Variants in WDR43 observed in about 807,000 individuals in gnomAD.
WDR43 encodes WD repeat-containing protein 43.
A neutral mutation model predicts 91.4 loss-of-function variants in WDR43; 13 were observed. That is an observed-to-expected ratio of 0.14 (90% confidence interval 0.09 to 0.23). The LOEUF (loss-of-function observed/expected upper bound fraction) is 0.23. Among genes scored for constraint, WDR43 ranks in the 10% least tolerant of loss-of-function variants. The pLI is 1.00. For synonymous variants in WDR43, 331 were observed against 287.9 expected (o/e 1.15, Z -1.51); for missense variants, 780 against 809.4 (o/e 0.96, Z 0.44).
At chr2:28,910,018 A>T (rs1280632227) in intron 3 of WDR43, among the ~76,000 whole-genome samples, 3 of 152,134 alleles carry the variant, frequency 2.0e-5, no homozygotes, top group African/African-American at 7.2e-5. Context: ...CCAGAGAGGA[A>T]TTTTTTCATC....
At chr2:28,938,232 T>C (rs944299764) in intron 14 of WDR43, among the ~76,000 whole-genome samples, 3 of 152,174 alleles carry the variant, frequency 2.0e-5, no homozygotes, top group Non-Finnish European at 4.4e-5. Context: ...TGTAAAAATA[T>C]AGAGATCTTT....
At chr2:28,918,062 TTGA>T in intron 6 of WDR43, 67 bp downstream of exon 6, 1 of 1,370,630 alleles carries the variant, frequency 7.3e-7, no homozygotes, top group Non-Finnish European at 1.0e-6. Context: ...AGTCAAGGTT[TTGA>T]TGATTTAATG....
At position 28,894,908 on chromosome 2, in the gene WDR43, G is replaced by A. The variant is rs1265191705; in HGVS notation, c.210G>A (p.Ala70=). 3.1e-6 allele frequency: 5 copies of A among 1,592,862 alleles called. No homozygotes were observed. In the South Asian group the frequency reaches 3.4e-5, roughly 11 times the overall value. ...GTCTCLAWAP[A]RLQAKESPQR... ...GCACCTGTCTGGCCTGGGCGCCAGC[G>A]CGGCTGCAGGCCAAGGTAAAGCGAG... Residue 70 remains alanine, a synonymous_variant, in exon 1 of 18, where the codon GCG becomes GCA. Transcript: ENST00000407426.
chr2:28,933,526 T>G (rs1671286390), intron 11 of WDR43, among the ~76,000 whole-genome samples: 1 of 152,206 alleles, frequency 6.6e-6, no homozygotes, highest in Non-Finnish European at 1.5e-5. Flanking sequence ...AAAAAATTGG[T>G]CATTTGAACC....
In WDR43 at chr2:28,914,726, C is replaced by T. The variant is rs141985181; in HGVS notation, c.746+518C>T. On this transcript the variant is annotated intron_variant, in intron 5 of 17. Coordinates refer to ENST00000407426, the MANE Select transcript of WDR43 (RefSeq NM_015131.3). ...CGGGCGGATCACGAGGTGAAGAGATCGAGATCATCCTGGCCAACATGGTGA... is the reference window on the plus strand; with the variant it reads ...CGGGCGGATCACGAGGTGAAGAGATTGAGATCATCCTGGCCAACATGGTGA... 4.9e-3 allele frequency among the ~76,000 whole-genome samples: 742 copies of T among 152,218 alleles called. 6 individuals carry two copies. The highest frequency in any genetic ancestry group is 0.015 in the African/African-American group (639 of 41,536).
chr2:28,913,549 T>G, intron 4 of WDR43: 1 of 399,268 alleles, frequency 2.5e-6, no homozygotes, highest in South Asian at 1.9e-5. Flanking sequence ...TATGGTAATT[T>G]TGATTTCTAG....
At chr2:28,914,885 C>T (rs1212396702) in intron 5 of WDR43, among the ~76,000 whole-genome samples, 9 of 152,074 alleles carry the variant, frequency 5.9e-5, no homozygotes, top group Admixed American at 1.3e-4. Context: ...GCCGAGATCC[C>T]GCCACTGCAC....
chr2:28,928,359 G>A (rs554137082), intron 10 of WDR43, among the ~76,000 whole-genome samples: 6 of 151,380 alleles, frequency 4.0e-5, no homozygotes, highest in African/African-American at 4.9e-5. Context: ...TTTTAAATGC[G>A]TTTATTGGGT....
In WDR43 at chr2:28,925,002, C is replaced by T; in HGVS notation, c.935C>T (p.Thr312Ile). ...TCCAGGTACTGCAAAAAGCCTTTGACTTCAAACTGCACAATTCAGATAGCA... is the reference window on the plus strand; with the variant it reads ...TCCAGGTACTGCAAAAAGCCTTTGATTTCAAACTGCACAATTCAGATAGCA... Reference protein sequence around the residue: ...ILNGYCKKPLTSNCTIQIATP... With the variant: ...ILNGYCKKPLISNCTIQIATP... The change falls in exon 8 of 18, where the codon ACT becomes ATT. Residue 312 changes from threonine to isoleucine, a missense_variant. Physicochemically the swap from Thr to Ile is moderately conservative, Grantham distance 89 (BLOSUM62 -1). Transcript: ENST00000407426. The T allele has an allele frequency of 6.2e-7, 1 of 1,611,904 alleles. No homozygotes were observed. Among genetic ancestry groups the T allele is most frequent in the Non-Finnish European group, 8.5e-7 (1 of 1,179,296 alleles).
At chr2:28,904,186 C>G (rs889307797) in intron 2 of WDR43, among the ~76,000 whole-genome samples, 6 of 151,994 alleles carry the variant, frequency 3.9e-5, no homozygotes, top group Non-Finnish European at 8.8e-5. Flanking sequence ...AAAAAGGAGT[C>G]AAGAGGGTCA....
At chr2:28,938,891 C>G (rs1273064054) in intron 14 of WDR43, among the ~76,000 whole-genome samples, 1 of 151,482 alleles carries the variant, frequency 6.6e-6, no homozygotes, top group Non-Finnish European at 1.5e-5. Context: ...GGGAGGTGAC[C>G]TGGGAACACT....
chr2:28,898,103 T>G (rs1338535721), intron 1 of WDR43, among the ~76,000 whole-genome samples: 1 of 152,242 alleles, frequency 6.6e-6, no homozygotes, highest in Non-Finnish European at 1.5e-5. Flanking sequence ...ATGCTGCTAT[T>G]TGATTGTCTT....
chr2:28,927,457 A>G, intron 9 of WDR43, 112 bp from the exon 10 acceptor site: 6 of 1,224,302 alleles, frequency 4.9e-6, no homozygotes, highest in Non-Finnish European at 6.7e-6. Context: ...CAAGTTAATT[A>G]TATTGCATTT....
chr2:28,926,620 C>G, intron 9 of WDR43, 66 bp downstream of exon 9: 2 of 1,347,284 alleles, frequency 1.5e-6, no homozygotes, highest in Admixed American at 2.3e-5. Flanking sequence ...GGAACTGTTA[C>G]TTAGTATTAT....
In WDR43 at chr2:28,906,570, C is replaced by G. The variant is rs778949130; in HGVS notation, c.474C>G (p.Cys158Trp). 3.3e-5 allele frequency: 53 copies of G among 1,611,048 alleles called. No individual in the cohort carries two copies. The South Asian group carries it at 5.9e-4, about 18-fold the overall frequency. The change falls in exon 3 of 18, where the codon TGC becomes TGG. Residue 158 changes from cysteine to tryptophan, a missense_variant. Coordinates refer to ENST00000407426, the MANE Select transcript of WDR43 (RefSeq NM_015131.3). ...KHIVEWNVQT[C>W]KVKCKWKGDN... ...TTGTGGAATGGAACGTACAGACATG[C>G]AAAGTAAAGTGGTGAGTAACATTCA...
chr2:28,901,971 T>C lies in WDR43; in HGVS notation c.226-16T>C. ...TTGCAATACTAAATAAAAACATTGT[T>C]TTTCTTTTTTTCCAGGAAAGTCCCC... is the stretch of plus-strand genomic sequence containing the variant. On this transcript the variant is annotated splice_polypyrimidine_tract_variant and intron_variant, in intron 1 of 17. Coordinates refer to ENST00000407426, the MANE Select transcript of WDR43 (RefSeq NM_015131.3). 6.3e-7 allele frequency: 1 copy of C among 1,580,346 alleles called. No homozygotes were observed. The highest frequency in any genetic ancestry group is 8.5e-7 in the Non-Finnish European group (1 of 1,169,662).
intron 1 of WDR43, among the ~76,000 whole-genome samples, chr2:28,897,772 G>T (rs966165722): frequency 1.1e-4 from 16 of 152,156 alleles, no homozygotes; most frequent in African/African-American, 3.9e-4. Flanking sequence ...TGGTTCACAG[G>T]TGTTTAGAAA....
chr2:28,938,266 T>G lies in WDR43; in HGVS notation c.1620+272T>G, dbSNP rs545287193. Among the ~76,000 whole-genome samples the G allele has an allele frequency of 1.2e-4, 18 of 152,288 alleles. No homozygotes were observed. In the South Asian group the frequency reaches 3.7e-3, roughly 32 times the overall value. ...TTACAAATACAGAAAGGAGAAAAGT[T>G]ATATAATGACATACTAAGATTTAGA... On this transcript the variant is annotated intron_variant, in intron 14 of 17. Coordinates refer to ENST00000407426, the MANE Select transcript of WDR43 (RefSeq NM_015131.3).
Position 28,943,793 on chromosome 2 carries a change from C to T in WDR43, c.1804+1412C>T, listed in dbSNP as rs927549199. 5.9e-5 allele frequency among the ~76,000 whole-genome samples: 9 copies of T among 152,138 alleles called. 1 individual carries two copies. Among genetic ancestry groups the T allele is most frequent in the Admixed American group, 5.9e-4 (9 of 15,276 alleles). On this transcript the variant is annotated intron_variant, in intron 16 of 17. Coordinates refer to ENST00000407426, the MANE Select transcript of WDR43 (RefSeq NM_015131.3). ...CATTATCACATCACACATCACATTCCATATTGTGAGAAATGGATAAATTTG... is the reference window on the plus strand; with the variant it reads ...CATTATCACATCACACATCACATTCTATATTGTGAGAAATGGATAAATTTG...
Sources: allele counts gnomAD v4.1 joint callset (sites outside exome capture counted in the v4.1 genomes callset), GRCh38; gene constraint gnomAD v4.1.1; transcripts MANE v1.5; gene names NCBI Gene and HGNC (gene_info 2026-07-23, HGNC 2026-07-21).